The following SCN8A variants were observed in gnomAD, a reference collection of about 807,000 sequenced individuals.
SCN8A encodes sodium voltage-gated channel alpha subunit 8.
In SCN8A, 30 loss-of-function variants were observed where a neutral mutation model predicts 184.1. The observed-to-expected ratio is 0.16, with a 90% CI of 0.12 to 0.22. SCN8A has a LOEUF of 0.22. SCN8A is among the 10% of genes least tolerant of loss of function. SCN8A has a pLI of 1.00. For missense variants in SCN8A, 1,057 were observed against 2,498.9 expected, an observed-to-expected ratio of 0.42 and a Z score of 12.30; for synonymous variants, 852 against 907.0, an observed-to-expected ratio of 0.94 and a Z score of 1.09.
intron 1 of SCN8A, among the ~76,000 whole-genome samples, chr12:51,649,422 C>A (rs1276406179): frequency 6.6e-6 from 1 of 152,234 alleles, no homozygotes; most frequent in Non-Finnish European, 1.5e-5. Context: ...TCTACACTGC[C>A]CTAGCAGAGG....
At chr12:51,701,256 GTTA>G (rs1396217575) in intron 8 of SCN8A, 49 bp downstream of exon 8, 1 of 1,247,314 alleles carries the variant, frequency 8.0e-7, no homozygotes, top group Non-Finnish European at 1.1e-6. Context: ...TAATGTACCT[GTTA>G]TTAGTAGGGT....
intron 14 of SCN8A, among the ~76,000 whole-genome samples, chr12:51,761,583 G>A (rs1398661971): frequency 3.3e-5 from 5 of 151,536 alleles, no homozygotes; most frequent in Admixed American, 6.6e-5. Flanking sequence ...TCTGCCTCCC[G>A]GGCTCAAGTG....
rs1034484677 is a variant in SCN8A, at chr12:51,762,485, C to T, written c.2371-18C>T. The T allele has an allele frequency of 1.2e-6, 2 of 1,610,278 alleles. No homozygotes were observed. The highest frequency in any genetic ancestry group is 2.7e-5 in the African/African-American group (2 of 74,704). ...TTCTACTATTTATTTTTCTTACCCCCTGCATCCCCCTATTTAGGTTTTCAC... is the reference window on the plus strand; with the variant it reads ...TTCTACTATTTATTTTTCTTACCCCTTGCATCCCCCTATTTAGGTTTTCAC... On this transcript the variant is annotated intron_variant, in intron 14 of 26. Coordinates refer to ENST00000627620, the MANE Select transcript of SCN8A (RefSeq NM_001330260.2).
At chr12:51,693,431 T>TC (rs1941543495) in intron 6 of SCN8A, among the ~76,000 whole-genome samples, 1 of 152,056 alleles carries the variant, frequency 6.6e-6, no homozygotes, top group Admixed American at 6.6e-5. Flanking sequence ...AAATCTAGAG[T>TC]CCCCCAATCT....
At chr12:51,721,460 G>T (rs1942058766) in intron 11 of SCN8A, 86 bp from the exon 12 acceptor site, 1 of 1,407,216 alleles carries the variant, frequency 7.1e-7, no homozygotes, top group Non-Finnish European at 9.5e-7. Flanking sequence ...GGGCCGGCTG[G>T]GAACCTAACC....
intron 1 of SCN8A, among the ~76,000 whole-genome samples, chr12:51,591,921 A>C (rs958323623): frequency 6.6e-6 from 1 of 151,846 alleles, no homozygotes; most frequent in African/African-American, 2.4e-5. Context: ...CTTTACTCGG[A>C]TGCGTTCGTC....
At chr12:51,766,997 C>T (rs933361055) in intron 16 of SCN8A, among the ~76,000 whole-genome samples, 1 of 152,180 alleles carries the variant, frequency 6.6e-6, no homozygotes, top group Non-Finnish European at 1.5e-5. Context: ...CCTTTTTCTG[C>T]CACAGAGAAG....
chr12:51,775,394 C>A (rs1937659465), intron 20 of SCN8A, among the ~76,000 whole-genome samples: 1 of 152,286 alleles, frequency 6.6e-6, no homozygotes, highest in Middle Eastern at 3.4e-3. Flanking sequence ...AAATGGATTT[C>A]TTTTCCAATA....
At chr12:51,685,937 A>G (rs1309936977) in intron 3 of SCN8A, among the ~76,000 whole-genome samples, 2 of 152,236 alleles carry the variant, frequency 1.3e-5, no homozygotes, top group African/African-American at 4.8e-5. Context: ...ATAACTAGCT[A>G]TATAAGATAA....
At chr12:51,700,461 A>G (rs1485490594) in intron 7 of SCN8A, among the ~76,000 whole-genome samples, 2 of 152,210 alleles carry the variant, frequency 1.3e-5, no homozygotes, top group Non-Finnish European at 2.9e-5. Context: ...AATACTACTA[A>G]GACTATTGCA....
intron 12 of SCN8A, among the ~76,000 whole-genome samples, chr12:51,728,744 A>G (rs1565902268): frequency 6.6e-6 from 1 of 151,820 alleles, no homozygotes; most frequent in African/African-American, 2.4e-5. Flanking sequence ...AAAAAAAAAA[A>G]AAAAAAAAAT....
chr12:51,793,361 GCAGGGAA>G (rs1358603434), intron 25 of SCN8A, among the ~76,000 whole-genome samples: 2 of 152,148 alleles, frequency 1.3e-5, no homozygotes, highest in African/African-American at 4.8e-5. Flanking sequence ...TGGGTGAGGG[GCAGGGAA>G]CAGACTTGGC....
At chr12:51,658,017 T>C (rs1940856720) in intron 1 of SCN8A, among the ~76,000 whole-genome samples, 1 of 152,042 alleles carries the variant, frequency 6.6e-6, no homozygotes, top group African/African-American at 2.4e-5. Flanking sequence ...GGATACTGTA[T>C]CTTTGTAGTA....
chr12:51,762,479 T>C lies in SCN8A; in HGVS notation c.2371-24T>C, dbSNP rs764689783. Reference sequence around the variant, plus strand: ...TTCTCTTTCTACTATTTATTTTTCTTACCCCCTGCATCCCCCTATTTAGGT... The same window carrying C: ...TTCTCTTTCTACTATTTATTTTTCTCACCCCCTGCATCCCCCTATTTAGGT... On this transcript the variant is annotated intron_variant, in intron 14 of 26. Coordinates refer to ENST00000627620, the MANE Select transcript of SCN8A (RefSeq NM_001330260.2). The C allele has an allele frequency of 3.7e-6, 6 of 1,607,922 alleles. No individual in the cohort carries two copies. The South Asian group carries it at 6.7e-5, about 18-fold the overall frequency.
intron 12 of SCN8A, among the ~76,000 whole-genome samples, chr12:51,724,780 G>A (rs934744882): frequency 6.6e-6 from 1 of 152,184 alleles, no homozygotes; most frequent in East Asian, 1.9e-4. Context: ...GAATAAAAAG[G>A]TATTAGAGAA....
At chr12:51,595,468 C>T (rs1293789512) in intron 1 of SCN8A, among the ~76,000 whole-genome samples, 1 of 152,178 alleles carries the variant, frequency 6.6e-6, no homozygotes, top group Admixed American at 6.5e-5. Context: ...AAGAAGGTTG[C>T]TATAGTTACA....
chr12:51,752,492 A>G (rs1417424884), intron 14 of SCN8A, among the ~76,000 whole-genome samples: 1 of 152,092 alleles, frequency 6.6e-6, no homozygotes, highest in Non-Finnish European at 1.5e-5. Flanking sequence ...GAGCACTACA[A>G]TATCATTTTC....
chr12:51,622,361 C>T (rs1359436274), intron 1 of SCN8A, among the ~76,000 whole-genome samples: 1 of 152,156 alleles, frequency 6.6e-6, no homozygotes, highest in Non-Finnish European at 1.5e-5. Flanking sequence ...ACACTGATGT[C>T]CTTTTTCTGT....
chr12:51,754,766 A>G (rs886178999), intron 14 of SCN8A, among the ~76,000 whole-genome samples: 5 of 152,316 alleles, frequency 3.3e-5, no homozygotes, highest in East Asian at 1.9e-4. Flanking sequence ...AATTCCCTCA[A>G]TGTGGGCTTG....
Sources: gnomAD v4.1 joint callset for allele counts (sites outside exome capture counted in the v4.1 genomes callset) on GRCh38, gnomAD v4.1.1 for gene constraint, MANE v1.5 for transcripts, NCBI Gene and HGNC (gene_info 2026-07-23, HGNC 2026-07-21) for gene names.